Variants in GRB10 observed in about 807,000 individuals in gnomAD.
GRB10 encodes the protein growth factor receptor bound protein 10.
In GRB10, 20 loss-of-function variants were observed where a neutral mutation model predicts 80.9. The ratio of observed to expected loss-of-function variants is 0.25; its 90% CI spans 0.17 to 0.36. GRB10 has a LOEUF of 0.36. Ranked by LOEUF, GRB10 falls within the 10% of genes least tolerant of loss-of-function variation. The probability of loss-of-function intolerance (pLI) is 1.00; values close to 1 mark genes in which losing one functional copy is unlikely to be tolerated. For missense variants in GRB10, 548 were observed against 747.7 expected, an observed-to-expected ratio of 0.73 and a Z score of 3.12; for synonymous variants, 291 against 291.5, an observed-to-expected ratio of 1.00 and a Z score of 0.02.
chr7:50,762,702 G>C (rs1346829431), intron 2 of GRB10, among the ~76,000 whole-genome samples: 3 of 152,152 alleles, frequency 2.0e-5, no homozygotes, highest in Non-Finnish European at 4.4e-5. Flanking sequence ...AGATAGTACA[G>C]AAGAAAAATG....
intron 2 of GRB10, among the ~76,000 whole-genome samples, chr7:50,757,942 G>A (rs10486760): frequency 0.099 from 15,095 of 152,112 alleles, 2,515 homozygotes; most frequent in African/African-American, 0.34. Context: ...TCATGGGCAC[G>A]ATAAATTAAA....
At chr7:50,677,560 T>C (rs1038687871) in intron 5 of GRB10, among the ~76,000 whole-genome samples, 1 of 152,218 alleles carries the variant, frequency 6.6e-6, no homozygotes, top group Non-Finnish European at 1.5e-5. Flanking sequence ...AAAGTTATAG[T>C]GGAGACCACG....
At chr7:50,702,525 C>G (rs948885736) in intron 5 of GRB10, among the ~76,000 whole-genome samples, 2 of 152,148 alleles carry the variant, frequency 1.3e-5, no homozygotes, top group Non-Finnish European at 2.9e-5. Flanking sequence ...TGAGAGGTGG[C>G]CAATGTCAAG....
Position 50,732,274 on chromosome 7 carries a change from G to T in GRB10, c.49C>A (p.Gln17Lys), listed in dbSNP as rs1563639596. The change falls in exon 4 of 19, where the codon CAG (glutamine) becomes AAG (lysine). Residue 17 changes from glutamine to lysine, a missense_variant and splice_region_variant. This residue lies in a region of GRB10 where 245 missense variants were observed against 229.3 expected (regional missense o/e 1.07). Coordinates refer to ENST00000401949, the MANE Select transcript of GRB10 (RefSeq NM_001350814.2). ...CAGATATATGTGCTCGCCCATACCTGGTAGTACGGATGGTGCAAAAAGGAA... is the reference window on the plus strand; with the variant it reads ...CAGATATATGTGCTCGCCCATACCTTGTAGTACGGATGGTGCAAAAAGGAA... ...PDSFLHHPYY[Q>K]DKVEQTPRSQ... is the part of the protein sequence containing the mutation. 1 of 1,613,864 alleles carries T rather than the reference G, an allele frequency of 6.2e-7. No individual in the cohort carries two copies. Among genetic ancestry groups the T allele is most frequent in the Non-Finnish European group, 8.5e-7 (1 of 1,179,810 alleles).
At chr7:50,752,401 T>C (rs759947582) in intron 3 of GRB10, among the ~76,000 whole-genome samples, 4 of 152,176 alleles carry the variant, frequency 2.6e-5, no homozygotes, top group Non-Finnish European at 5.9e-5. Context: ...GCAAAACGGT[T>C]GTGTGGCACA....
intron 14 of GRB10, 130 bp from the exon 15 acceptor site, chr7:50,605,536 C>T (rs1028638734): frequency 1.2e-6 from 1 of 808,868 alleles, no homozygotes; most frequent in South Asian, 1.4e-5. Flanking sequence ...CTGAACTCCC[C>T]AAGTTTCAGG....
chr7:50,600,532 AAAAG>A (rs1299621801), intron 17 of GRB10, among the ~76,000 whole-genome samples: 11 of 152,220 alleles, frequency 7.2e-5, no homozygotes, highest in African/African-American at 2.7e-4. Flanking sequence ...AACTAAGGAC[AAAAG>A]AAAGAAAGGG....
chr7:50,786,449 A>G (rs1473819104), upstream of GRB10, among the ~76,000 whole-genome samples: 3 of 152,238 alleles, frequency 2.0e-5, no homozygotes, highest in African/African-American at 7.2e-5. Context: ...GAACAAAGGC[A>G]CAGAGAATAT....
intron 2 of GRB10, among the ~76,000 whole-genome samples, chr7:50,760,469 T>C (rs1209535123): frequency 1.3e-5 from 2 of 152,220 alleles, no homozygotes; most frequent in South Asian, 4.1e-4. Flanking sequence ...AAAACAACTT[T>C]ATAAATGAAA....
At chr7:50,602,303 C>A (rs144673845) in intron 17 of GRB10, among the ~76,000 whole-genome samples, 1 of 152,158 alleles carries the variant, frequency 6.6e-6, no homozygotes, top group Non-Finnish European at 1.5e-5. Context: ...ATGTGGTGGA[C>A]GGGGACGGTA....
At chr7:50,763,869 T>A (rs1208787878) in intron 2 of GRB10, among the ~76,000 whole-genome samples, 1 of 152,194 alleles carries the variant, frequency 6.6e-6, no homozygotes, top group Non-Finnish European at 1.5e-5. Context: ...GCTTCCCACT[T>A]AACCAGCCCT....
intron 8 of GRB10, among the ~76,000 whole-genome samples, chr7:50,622,779 TC>T (rs1277155109): frequency 6.6e-6 from 1 of 151,218 alleles, no homozygotes; most frequent in African/African-American, 2.4e-5. Flanking sequence ...TTTTCAAAAT[TC>T]CTTTTATCTT....
intron 3 of GRB10, among the ~76,000 whole-genome samples, chr7:50,751,707 A>C (rs1400619141): frequency 1.3e-5 from 2 of 152,224 alleles, no homozygotes; most frequent in Admixed American, 6.5e-5. Context: ...TTCTGTGCTC[A>C]ATGTATTGTA....
intron 4 of GRB10, among the ~76,000 whole-genome samples, chr7:50,719,164 C>T (rs7806937): frequency 0.14 from 22,053 of 152,118 alleles, 5,390 homozygotes; most frequent in African/African-American, 0.5. Flanking sequence ...AAGAACAGAA[C>T]AGAGCTGGAT....
At position 50,684,120 on chromosome 7, in the gene GRB10, A is replaced by C. The variant is rs1372145691; in HGVS notation, c.140-9462T>G. Among the ~76,000 whole-genome samples the C allele has an allele frequency of 2.0e-5, 3 of 152,122 alleles. 1 individual carries two copies. The highest frequency in any genetic ancestry group is 4.2e-4 in the South Asian group (2 of 4,810). On this transcript the variant is annotated intron_variant, in intron 5 of 18. Coordinates refer to ENST00000401949, the MANE Select transcript of GRB10 (RefSeq NM_001350814.2). ...TAAATTAAACTTATAAAAATGTAGA[A>C]AGTCTATCTCCTTTTACACACAGCT... is the stretch of plus-strand genomic sequence containing the variant.
intron 8 of GRB10, among the ~76,000 whole-genome samples, chr7:50,623,846 C>A (rs542678500): frequency 6.6e-6 from 1 of 152,042 alleles, no homozygotes; most frequent in Admixed American, 6.6e-5. Flanking sequence ...AATTTTGGAA[C>A]ATTTGCATTA....
chr7:50,771,522 C>T (rs767090492), intron 2 of GRB10, among the ~76,000 whole-genome samples: 1 of 152,196 alleles, frequency 6.6e-6, no homozygotes, highest in Non-Finnish European at 1.5e-5. Context: ...GCCAGCAGGA[C>T]GGACTGCCCC....
At chr7:50,716,827 C>T (rs545223251) in intron 4 of GRB10, among the ~76,000 whole-genome samples, 2 of 152,240 alleles carry the variant, frequency 1.3e-5, no homozygotes, top group Middle Eastern at 3.4e-3. Context: ...GTAGGAGCAC[C>T]CTATGAAGAC....
chr7:50,654,576 C>G (rs548843153), intron 7 of GRB10, among the ~76,000 whole-genome samples: 3 of 152,294 alleles, frequency 2.0e-5, no homozygotes, highest in Admixed American at 2.0e-4. Flanking sequence ...TGATTCTAAG[C>G]AGGGGTTTTT....
Sources: gnomAD v4.1 joint callset for allele counts (sites outside exome capture counted in the v4.1 genomes callset) on GRCh38, gnomAD v4.1.1 for gene constraint, gnomAD v4.1.1 regional missense constraint, MANE v1.5 for transcripts, NCBI Gene and HGNC (gene_info 2026-07-23, HGNC 2026-07-21) for gene names.